The following TRPM6 variants were observed in gnomAD, a reference collection of about 807,000 sequenced individuals.
TRPM6 encodes the protein transient receptor potential cation channel subfamily M member 6, also known as channel kinase 2.
In TRPM6, 111 loss-of-function variants were observed where a neutral mutation model predicts 247.6. The ratio of observed to expected loss-of-function variants is 0.45; its 90% CI spans 0.38 to 0.52. The LOEUF (loss-of-function observed/expected upper bound fraction) is 0.52, where lower values mean the gene tolerates loss of function less well. Ranked by LOEUF, TRPM6 falls within the 20% of genes least tolerant of loss-of-function variation. The pLI, the probability that TRPM6 is intolerant of heterozygous loss-of-function variation, is 0.00. For synonymous variants in TRPM6, 892 were observed against 853.8 expected (o/e 1.04, Z -0.78); for missense variants, 2,126 against 2,421.5 (o/e 0.88, Z 2.56).
intron 1 of TRPM6, among the ~76,000 whole-genome samples, chr9:74,885,853 TG>T (rs1831513748): frequency 6.6e-6 from 1 of 152,116 alleles, no homozygotes. Flanking sequence ...GAGGATTGCT[TG>T]AGCCCAGGAG....
At chr9:74,786,428 C>A (rs1403717786) in intron 20 of TRPM6, among the ~76,000 whole-genome samples, 3 of 152,110 alleles carry the variant, frequency 2.0e-5, no homozygotes, top group African/African-American at 7.2e-5. Flanking sequence ...CATGAGAAAA[C>A]ACCAAGACAT....
intron 3 of TRPM6, among the ~76,000 whole-genome samples, chr9:74,851,333 A>G (rs1354567725): frequency 1.3e-5 from 2 of 152,146 alleles, no homozygotes; most frequent in Non-Finnish European, 2.9e-5. Context: ...TCAGTAAAAT[A>G]CCCATCACTC....
At chr9:74,785,689 AT>A (rs369390243) in intron 21 of TRPM6, among the ~76,000 whole-genome samples, 184 bp downstream of exon 21, 52 of 152,084 alleles carry the variant, frequency 3.4e-4, no homozygotes, top group Middle Eastern at 3.4e-3. Flanking sequence ...TGCCCGGCTA[AT>A]TTTTTTGTAT....
intron 28 of TRPM6, 24 bp downstream of exon 28, chr9:74,755,328 AT>A (rs1219811847): frequency 6.2e-7 from 1 of 1,613,454 alleles, no homozygotes; most frequent in African/African-American, 1.3e-5. Context: ...GGTTTTTGGG[AT>A]CCAAAATTGT....
At chr9:74,844,681 T>G (rs1362263347) in intron 3 of TRPM6, among the ~76,000 whole-genome samples, 1 of 152,148 alleles carries the variant, frequency 6.6e-6, no homozygotes, top group Non-Finnish European at 1.5e-5. Flanking sequence ...AGCAATAAAG[T>G]TGTTTCTTTT....
At position 74,789,217 on chromosome 9, in the gene TRPM6, A is replaced by C. The variant is rs528137542; in HGVS notation, c.2539-475T>G. On this transcript the variant is annotated intron_variant, in intron 19 of 38. Transcript: ENST00000360774. ...TGGGAGTTCTATTTTATGTTGATTA[A>C]AATACTCTGTTTAATAGAAAAGTTG... 4.6e-5 allele frequency among the ~76,000 whole-genome samples: 7 copies of C among 152,332 alleles called. No homozygotes were observed. In the South Asian group the frequency reaches 1.2e-3, roughly 27 times the overall value.
At chr9:74,872,145 G>T (rs1831048194) in intron 1 of TRPM6, among the ~76,000 whole-genome samples, 1 of 151,980 alleles carries the variant, frequency 6.6e-6, no homozygotes, top group Non-Finnish European at 1.5e-5. Flanking sequence ...CAGCCACCAT[G>T]CCTGGCTGCA....
intron 25 of TRPM6, among the ~76,000 whole-genome samples, chr9:74,769,132 C>T (rs1209583203): frequency 1.3e-5 from 2 of 152,080 alleles, no homozygotes; most frequent in Admixed American, 1.3e-4. Context: ...CTCTAAGAAG[C>T]AGGGCTATTT....
chr9:74,855,714 G>T lies in TRPM6; in HGVS notation c.114-149C>A, dbSNP rs978297014. Reference sequence around the variant, plus strand: ...ATCATGTTCCAAATATTCCATTATGGCATTTACCACATATAATTACTGCAG... The same window carrying T: ...ATCATGTTCCAAATATTCCATTATGTCATTTACCACATATAATTACTGCAG... On this transcript the variant is annotated intron_variant, in intron 2 of 38. Transcript: ENST00000360774. 5 of 671,358 alleles carry T rather than the reference G, an allele frequency of 7.4e-6. No individual in the cohort carries two copies. The Admixed American group carries it at 1.1e-4, about 15-fold the overall frequency. The allele number at this position is 671,358 out of a possible 1,614,324, so 41.6% of individuals were successfully genotyped here.
At chr9:74,857,027 CT>C (rs1027240048) in intron 2 of TRPM6, among the ~76,000 whole-genome samples, 9 of 151,474 alleles carry the variant, frequency 5.9e-5, no homozygotes, top group South Asian at 2.1e-4. Context: ...AATTTCATCA[CT>C]TTTTTTTTGA....
At chr9:74,817,047 TG>T in intron 9 of TRPM6, 83 bp from the exon 10 acceptor site, 2 of 1,189,354 alleles carry the variant, frequency 1.7e-6, no homozygotes, top group South Asian at 1.2e-5. Context: ...GAATTCAGAC[TG>T]GAGCTAATGA....
chr9:74,807,260 A>G, intron 14 of TRPM6, among the ~76,000 whole-genome samples: 1 of 152,290 alleles, frequency 6.6e-6, no homozygotes. Flanking sequence ...CCTTAAAACC[A>G]TATGACACTG....
At chr9:74,738,295 CT>C in intron 36 of TRPM6, 111 bp downstream of exon 36, 1 of 1,074,442 alleles carries the variant, frequency 9.3e-7, no homozygotes, top group Non-Finnish European at 1.4e-6. Flanking sequence ...ATGTGCCCAC[CT>C]CCCTTCAAAG....
chr9:74,830,003 T>C (rs561274042), intron 6 of TRPM6, among the ~76,000 whole-genome samples: 1 of 152,188 alleles, frequency 6.6e-6, no homozygotes, highest in South Asian at 2.1e-4. Context: ...TGGCGGTGCA[T>C]GCATGTAGTA....
At position 74,762,130 on chromosome 9, in the gene TRPM6, T is replaced by A; in HGVS notation, c.4541A>T (p.Glu1514Val). 6.2e-7 allele frequency: 1 copy of A among 1,614,244 alleles called. No individual in the cohort carries two copies. Among genetic ancestry groups the A allele is most frequent in the Non-Finnish European group, 8.5e-7 (1 of 1,180,034 alleles). The change falls in exon 26 of 39, where the codon GAG (glutamate) becomes GTG (valine). Residue 1514 changes from glutamate to valine, a missense_variant. Transcript: ENST00000360774. ...TRSAQSSECS[E>V]VGPWLQPNTS... ...GTTTGGCTGAAGCCATGGTCCCACC[T>A]CTGAGCATTCACTACTCTGGGCCGA...
intron 1 of TRPM6, among the ~76,000 whole-genome samples, chr9:74,882,519 T>A (rs1047553464): frequency 4.6e-5 from 7 of 152,068 alleles, no homozygotes; most frequent in African/African-American, 1.7e-4. Context: ...ATGCTCAACA[T>A]CACTAATCAG....
At chr9:74,841,816 A>G (rs183329220) in intron 4 of TRPM6, among the ~76,000 whole-genome samples, 47 of 152,276 alleles carry the variant, frequency 3.1e-4, no homozygotes, top group Non-Finnish European at 5.0e-4. Flanking sequence ...GAACTTCTTG[A>G]TACATAATTC....
chr9:74,752,742 C>T (rs543832460), intron 28 of TRPM6, among the ~76,000 whole-genome samples: 12 of 152,176 alleles, frequency 7.9e-5, no homozygotes, highest in East Asian at 1.9e-4. Context: ...AATTTAATTC[C>T]ATTCCTAGTC....
At chr9:74,783,017 CTTG>C (rs1055508581) in intron 21 of TRPM6, among the ~76,000 whole-genome samples, 164 bp from the exon 22 acceptor site, 2 of 152,148 alleles carry the variant, frequency 1.3e-5, no homozygotes, top group African/African-American at 4.8e-5. Context: ...TGGCTAAACT[CTTG>C]TTTTCTCACA....
Sources: allele counts gnomAD v4.1 joint callset (sites outside exome capture counted in the v4.1 genomes callset), GRCh38; gene constraint gnomAD v4.1.1; transcripts MANE v1.5; gene names NCBI Gene and HGNC (gene_info 2026-07-23, HGNC 2026-07-21).